Variants in CEP350 observed in about 807,000 individuals in gnomAD.
CEP350 encodes centrosome-associated protein 350.
Under a neutral mutation model 331.8 loss-of-function variants are expected in CEP350, and 126 were observed. The observed-to-expected ratio is 0.38, with a 90% CI of 0.33 to 0.44. The LOEUF is 0.44. CEP350 is among the 20% of genes least tolerant of loss of function. The pLI is 1.00. For missense variants in CEP350, 3,406 were observed against 3,634.6 expected, an observed-to-expected ratio of 0.94 and a Z score of 1.62; for synonymous variants, 1,200 against 1,259.5, an observed-to-expected ratio of 0.95 and a Z score of 1.00.
rs191577583 is a variant in CEP350 at position 179,973,232 on chromosome 1, T to C, written c.-13-12937T>C. On this transcript the variant is annotated intron_variant, in intron 1 of 37. Coordinates refer to ENST00000367607, the MANE Select transcript of CEP350 (RefSeq NM_014810.5). ...TAAGTTGTAGCCTAATAATCAGCAGTGGTACCCCTCTAGTAATTCCTGCAA... is the reference window on the plus strand; with the variant it reads ...TAAGTTGTAGCCTAATAATCAGCAGCGGTACCCCTCTAGTAATTCCTGCAA... Among the ~76,000 whole-genome samples, 4 of 152,328 alleles carry C rather than the reference T, an allele frequency of 2.6e-5. No homozygotes were observed. The East Asian group carries it at 7.7e-4, about 29-fold the overall frequency.
chr1:180,024,536 A>G lies in CEP350; in HGVS notation c.3504A>G (p.Ser1168=), dbSNP rs376079995. 1.9e-6 allele frequency: 3 copies of G among 1,613,072 alleles called. No homozygotes were observed. The highest frequency in any genetic ancestry group is 1.1e-5 in the South Asian group (1 of 91,004). Reference sequence around the variant, plus strand: ...CCCAGTCTGCTGCATCGTCTCGTTCATCTACTTCTTCTAAAGGAAAGAAAG... The same window carrying G: ...CCCAGTCTGCTGCATCGTCTCGTTCGTCTACTTCTTCTAAAGGAAAGAAAG... ...SGAQSAASSR[S]STSSKGKKGK... is the part of the protein sequence containing the mutation. Residue 1168 remains serine, a synonymous_variant, in exon 14 of 38, where the codon TCA becomes TCG. Coordinates refer to ENST00000367607, the MANE Select transcript of CEP350 (RefSeq NM_014810.5).
intron 37 of CEP350, among the ~76,000 whole-genome samples, chr1:180,099,855 T>G (rs1172882270): frequency 4.6e-5 from 7 of 151,002 alleles, no homozygotes; most frequent in African/African-American, 1.7e-4. Context: ...GCACAATCTC[T>G]GCTCACTGCA....
chr1:180,089,566 G>C (rs1393751867), intron 32 of CEP350, among the ~76,000 whole-genome samples: 4 of 146,652 alleles, frequency 2.7e-5, no homozygotes, highest in Admixed American at 2.1e-4. Flanking sequence ...CTGGGCAACA[G>C]AGCAAGACTC....
At chr1:180,070,149 G>A (rs1384871021) in intron 27 of CEP350, among the ~76,000 whole-genome samples, 2 of 152,118 alleles carry the variant, frequency 1.3e-5, no homozygotes, top group African/African-American at 4.8e-5. Flanking sequence ...GGACTCCTTG[G>A]TATTCCAATG....
Position 180,006,568 on chromosome 1 carries a change from G to A in CEP350, c.1246+1G>A. ...TTATCAAGTACAGAATGCAGAACAGGTTAGTTTTCTCAACATGTCCATCCT... is the reference window on the plus strand; with the variant it reads ...TTATCAAGTACAGAATGCAGAACAGATTAGTTTTCTCAACATGTCCATCCT... On this transcript the variant is annotated splice_donor_variant, in intron 8 of 37. Coordinates refer to ENST00000367607, the MANE Select transcript of CEP350 (RefSeq NM_014810.5). LOFTEE classifies it high-confidence loss of function. 1 of 1,431,458 alleles carries A rather than the reference G, an allele frequency of 7.0e-7. No homozygotes were observed. Among genetic ancestry groups the A allele is most frequent in the Non-Finnish European group, 9.6e-7 (1 of 1,037,744 alleles). 88.7% of individuals were successfully genotyped at this position (1,431,458 alleles called of 1,614,324 possible). A position where few individuals can be genotyped will look rare whatever the true frequency, so the allele number is the denominator to read the frequency against.
intron 18 of CEP350, 44 bp from the exon 19 acceptor site, chr1:180,041,618 G>A: frequency 1.9e-6 from 3 of 1,538,686 alleles, no homozygotes; most frequent in Admixed American, 1.9e-5. Flanking sequence ...AGGAGGAGGG[G>A]AGATTAAAAC....
At chr1:180,086,555 AT>A (rs1659873441) in intron 31 of CEP350, among the ~76,000 whole-genome samples, 2 of 151,698 alleles carry the variant, frequency 1.3e-5, no homozygotes, top group Admixed American at 6.6e-5. Flanking sequence ...ATATATATAT[AT>A]ATATAAAATA....
At chr1:180,021,705 G>A (rs1655335258) in intron 12 of CEP350, among the ~76,000 whole-genome samples, 1 of 151,986 alleles carries the variant, frequency 6.6e-6, no homozygotes, top group Non-Finnish European at 1.5e-5. Context: ...GTGATGATTT[G>A]TGACTTCTTG....
intron 6 of CEP350, among the ~76,000 whole-genome samples, chr1:179,999,944 G>GT (rs1653752093): frequency 6.6e-6 from 1 of 152,108 alleles, no homozygotes; most frequent in Admixed American, 6.5e-5. Context: ...ATATTTGGTT[G>GT]TTTGCATATT....
At position 180,078,597 on chromosome 1, in the gene CEP350, A is replaced by AGTCCAGATC; in HGVS notation, c.5903_5911dup (p.Asp1970_His1971insArgProAsp). ...GTCTATAGGACAGGAGCAGCCAGGG[A>AGTCCAGATC]GTCCAGATCACAGTATACTTACTGA... On this transcript the variant is annotated inframe_insertion, in exon 29 of 38. Coordinates refer to ENST00000367607, the MANE Select transcript of CEP350 (RefSeq NM_014810.5). 6.2e-7 allele frequency: 1 copy of AGTCCAGATC among 1,613,344 alleles called. No homozygotes were observed. Among genetic ancestry groups the AGTCCAGATC allele is most frequent in the South Asian group, 1.1e-5 (1 of 90,920 alleles).
intron 27 of CEP350, among the ~76,000 whole-genome samples, chr1:180,068,162 T>C (rs1335164986): frequency 6.6e-6 from 1 of 152,204 alleles, no homozygotes; most frequent in Non-Finnish European, 1.5e-5. Flanking sequence ...ATGACAGATA[T>C]TTTTCTGAAG....
At chr1:179,993,028 T>G (rs1653205904) in intron 5 of CEP350, among the ~76,000 whole-genome samples, 2 of 152,060 alleles carry the variant, frequency 1.3e-5, no homozygotes, top group African/African-American at 4.8e-5. Context: ...GGACTGTCAG[T>G]TCAATGTTTA....
In CEP350 at chr1:180,014,233, G is replaced by A. The variant is rs1449981369; in HGVS notation, c.1780G>A (p.Asp594Asn). The change falls in exon 10 of 38, where the codon GAT (aspartate) becomes AAT (asparagine). Residue 594 changes from aspartate to asparagine, a missense_variant. Coordinates refer to ENST00000367607, the MANE Select transcript of CEP350 (RefSeq NM_014810.5). ...VISKRRHYDT[D>N]EVRQYIVRQQ... ...TTCCAAAAGGCGCCACTATGACACA[G>A]ATGAGGTACGACAGTACATTGTTAG... The A allele has an allele frequency of 1.2e-6, 2 of 1,610,394 alleles. No homozygotes were observed. The highest frequency in any genetic ancestry group is 2.7e-5 in the African/African-American group (2 of 74,842).
chr1:180,060,421 A>C (rs1056382561), intron 25 of CEP350, among the ~76,000 whole-genome samples: 1 of 152,222 alleles, frequency 6.6e-6, no homozygotes, highest in African/African-American at 2.4e-5. Context: ...GGCCAAAGAC[A>C]GATCACTTGA....
At chr1:180,081,070 G>A (rs1659540206) in intron 30 of CEP350, among the ~76,000 whole-genome samples, 1 of 150,794 alleles carries the variant, frequency 6.6e-6, no homozygotes, top group South Asian at 2.1e-4. Flanking sequence ...GTTTCACCAC[G>A]TTGGCCAGGC....
chr1:180,112,147 G>T lies in CEP350; in HGVS notation c.*986G>T, dbSNP rs562810279. The T allele has an allele frequency of 6.5e-6, 1 of 152,680 alleles. No individual in the cohort carries two copies. The highest frequency in any genetic ancestry group is 2.1e-4 in the South Asian group (1 of 4,826). The allele number at this position is 152,680 out of a possible 1,614,324, so 9.5% of individuals were successfully genotyped here. ...TCTATTGTTTGTGTGCTTGTTTTGC[G>T]CTATGGAACATTTTTTAATTTATTT... On this transcript the variant is annotated 3_prime_UTR_variant, in exon 38 of 38. Transcript: ENST00000367607.
intron 28 of CEP350, among the ~76,000 whole-genome samples, chr1:180,076,983 G>T (rs919112267): frequency 6.6e-6 from 1 of 152,124 alleles, no homozygotes; most frequent in African/African-American, 2.4e-5. Context: ...AGACAAGGAG[G>T]CTTATTTTTA....
At chr1:179,991,724 T>TAC (rs1653111330) in intron 4 of CEP350, among the ~76,000 whole-genome samples, 6 of 147,604 alleles carry the variant, frequency 4.1e-5, no homozygotes, top group South Asian at 2.2e-4. Context: ...TATATATATA[T>TAC]ACATTTTTTT....
intron 7 of CEP350, among the ~76,000 whole-genome samples, chr1:180,004,898 G>GCTTCCTTTCTTT (rs1491096254): frequency 8.2e-6 from 1 of 121,410 alleles, no homozygotes; most frequent in African/African-American, 3.6e-5. Flanking sequence ...TTGCTTGCTT[G>GCTTCCTTTCTTT]CTTGCTTGCT....
Sources: gnomAD v4.1 joint callset for allele counts (sites outside exome capture counted in the v4.1 genomes callset) on GRCh38, gnomAD v4.1.1 for gene constraint, MANE v1.5 for transcripts, NCBI Gene and HGNC (gene_info 2026-07-23, HGNC 2026-07-21) for gene names.